Variants in LTN1 observed in about 807,000 individuals in gnomAD.
LTN1 encodes listerin E3 ubiquitin protein ligase 1, also known as E3 ubiquitin-protein ligase listerin.
A neutral mutation model predicts 201.2 loss-of-function variants in LTN1; 88 were observed. That is an observed-to-expected ratio of 0.44 (90% CI 0.37 to 0.52). The LOEUF (loss-of-function observed/expected upper bound fraction) is 0.52. Among genes scored for constraint, LTN1 ranks in the 20% least tolerant of loss-of-function variants. LTN1 has a pLI of 0.00. For synonymous variants in LTN1, 645 were observed against 713.5 expected (o/e 0.90, Z 1.53); for missense variants, 1,752 against 2,038.7 (o/e 0.86, Z 2.71).
chr21:28,930,147 T>C lies in LTN1; in HGVS notation c.*301A>G, dbSNP rs971391295. On this transcript the variant is annotated 3_prime_UTR_variant, in exon 30 of 30. Transcript: ENST00000361371. ...AATCTTTTCACAAATTCCAATTCTG[T>C]AATTTAGGGGTTTTTCATATTTATT... 2.6e-5 allele frequency: 6 copies of C among 230,146 alleles called. No individual in the cohort carries two copies. The highest frequency in any genetic ancestry group is 1.1e-4 in the African/African-American group (5 of 44,040). 14.3% of individuals were successfully genotyped at this position (230,146 alleles called of 1,614,324 possible).
chr21:28,935,536 AT>A (rs1213458483), intron 26 of LTN1, among the ~76,000 whole-genome samples: 1 of 151,782 alleles, frequency 6.6e-6, no homozygotes, highest in Admixed American at 6.6e-5. Context: ...TGGCAAAAGA[AT>A]TTTTTTTTAA....
rs778339686 is a variant in LTN1 at position 28,957,480 on chromosome 21, A to C, written c.2748-4T>G. On this transcript the variant is annotated splice_region_variant and splice_polypyrimidine_tract_variant and intron_variant, in intron 14 of 29. Transcript: ENST00000361371. Reference sequence around the variant, plus strand: ...AGCAGACAAGAGGACTTGGAGACTAAAAATAATGCAGAGAACTTAACTGTT... The same window carrying C: ...AGCAGACAAGAGGACTTGGAGACTACAAATAATGCAGAGAACTTAACTGTT... 1.9e-6 allele frequency: 3 copies of C among 1,546,620 alleles called. No homozygotes were observed. The highest frequency in any genetic ancestry group is 2.6e-6 in the Non-Finnish European group (3 of 1,149,942).
chr21:28,984,928 A>G lies in LTN1; in HGVS notation c.346-6T>C. The G allele has an allele frequency of 5.0e-6, 8 of 1,598,470 alleles. No individual in the cohort carries two copies. The highest frequency in any genetic ancestry group is 1.3e-5 in the African/African-American group (1 of 74,172). ...CGGACGCGACGGTCATGATCCTATTAAAAATATAAATGTGATTTAAAATAG... is the reference window on the plus strand; with the variant it reads ...CGGACGCGACGGTCATGATCCTATTGAAAATATAAATGTGATTTAAAATAG... On this transcript the variant is annotated splice_region_variant and splice_polypyrimidine_tract_variant and intron_variant, in intron 3 of 29. Transcript: ENST00000361371.
chr21:28,941,096 A>T, intron 25 of LTN1, 124 bp downstream of exon 25: 1 of 689,598 alleles, frequency 1.5e-6, no homozygotes, highest in East Asian at 2.9e-5. Flanking sequence ...AAATAAAATA[A>T]ATTTTAAAAG....
chr21:28,986,121 C>T lies in LTN1; in HGVS notation c.345+18G>A. ...AAAATATACAACAGAAATAAACTAG[C>T]AAAGTTTTAATACTTACAAGTGAAA... is the stretch of plus-strand genomic sequence containing the variant. On this transcript the variant is annotated intron_variant, in intron 3 of 29. Coordinates refer to ENST00000361371, the MANE Select transcript of LTN1 (RefSeq NM_015565.3). The surrounding 1 kb of genome is among the most constrained non-coding windows in gnomAD (Gnocchi z 4.1). 2 of 1,394,146 alleles carry T rather than the reference C, an allele frequency of 1.4e-6. No individual in the cohort carries two copies. The highest frequency in any genetic ancestry group is 2.0e-6 in the Non-Finnish European group (2 of 981,850). The allele number at this position is 1,394,146 out of a possible 1,614,324, so 86.4% of individuals were successfully genotyped here.
At chr21:28,968,941 C>A (rs1359122909) in intron 9 of LTN1, among the ~76,000 whole-genome samples, 1 of 150,504 alleles carries the variant, frequency 6.6e-6, no homozygotes, top group South Asian at 2.2e-4. Flanking sequence ...GTTTTACAGG[C>A]CGGGCGCGGT....
At chr21:28,975,534 T>G (rs1261718129) in intron 6 of LTN1, among the ~76,000 whole-genome samples, 1 of 152,212 alleles carries the variant, frequency 6.6e-6, no homozygotes, top group Non-Finnish European at 1.5e-5. Flanking sequence ...CTGTTGCAAC[T>G]ACTTAGCTCT....
intron 4 of LTN1, among the ~76,000 whole-genome samples, chr21:28,984,006 G>A (rs1013220911): frequency 6.6e-6 from 1 of 152,128 alleles, no homozygotes; most frequent in African/African-American, 2.4e-5. Flanking sequence ...AGAAAGTTAT[G>A]GCAAAAGTGT....
intron 18 of LTN1, among the ~76,000 whole-genome samples, chr21:28,948,890 G>A (rs2084362055): frequency 2.0e-5 from 3 of 152,064 alleles, no homozygotes; most frequent in African/African-American, 7.2e-5. Flanking sequence ...CACCTCTTTA[G>A]GCTAAATTCC....
chr21:28,975,590 A>G (rs1468937872), intron 6 of LTN1, among the ~76,000 whole-genome samples: 2 of 152,244 alleles, frequency 1.3e-5, no homozygotes, highest in Non-Finnish European at 2.9e-5. Context: ...AAAACTATTT[A>G]CAAAAATAGA....
intron 6 of LTN1, among the ~76,000 whole-genome samples, chr21:28,980,319 A>G (rs1248535984): frequency 6.8e-6 from 1 of 148,010 alleles, no homozygotes; most frequent in African/African-American, 2.5e-5. Flanking sequence ...CCGTGAGTTC[A>G]ATGCTAATGA....
chr21:28,950,731 C>T (rs1568839785), intron 18 of LTN1, among the ~76,000 whole-genome samples: 1 of 152,248 alleles, frequency 6.6e-6, no homozygotes, highest in East Asian at 1.9e-4. Flanking sequence ...CCAGGCTGGT[C>T]TCGAACTCCT....
intron 14 of LTN1, among the ~76,000 whole-genome samples, chr21:28,957,988 A>T (rs1210653659): frequency 6.6e-6 from 1 of 152,236 alleles, no homozygotes; most frequent in Non-Finnish European, 1.5e-5. Flanking sequence ...TAGTATCACC[A>T]TCACTTTACT....
At chr21:28,956,615 G>A (rs145148566) in intron 16 of LTN1, 147 bp downstream of exon 16, 98 of 484,924 alleles carry the variant, frequency 2.0e-4, no homozygotes, top group African/African-American at 1.7e-3. Flanking sequence ...CACCACTTAA[G>A]TAACTTCAAG....
In LTN1 at chr21:28,947,444, T is replaced by C; in HGVS notation, c.3487+20A>G. 3 of 1,498,930 alleles carry C rather than the reference T, an allele frequency of 2.0e-6. No homozygotes were observed. Among genetic ancestry groups the C allele is most frequent in the East Asian group, 2.6e-5 (1 of 39,206 alleles). The allele number at this position is 1,498,930 out of a possible 1,614,324, so 92.9% of individuals were successfully genotyped here. The stretch of plus-strand genomic sequence containing the variant: ...AAGCAATAATTAAATTAATGAAATA[T>C]TTATTATCAAGCAACTAACCATTAG... On this transcript the variant is annotated intron_variant, in intron 19 of 29. Coordinates refer to ENST00000361371, the MANE Select transcript of LTN1 (RefSeq NM_015565.3).
chr21:28,966,937 T>C lies in LTN1; in HGVS notation c.1554A>G (p.Leu518=), dbSNP rs931390194. 6 of 1,613,570 alleles carry C rather than the reference T, an allele frequency of 3.7e-6. No homozygotes were observed. Among genetic ancestry groups the C allele is most frequent in the Non-Finnish European group, 1.7e-6 (2 of 1,179,932 alleles). The change falls in exon 10 of 30, where the codon CTA becomes CTG. Residue 518 remains leucine, a synonymous_variant. Coordinates refer to ENST00000361371, the MANE Select transcript of LTN1 (RefSeq NM_015565.3). ...DVESVLGVSN[L]LQVLQKPKSS... is the part of the protein sequence containing the mutation. ...TCTTCGGCTTCTGAAGCACCTGTAA[T>C]AGGTTAGATACACCCAAAACGGACT...
At chr21:28,967,270 A>G in intron 9 of LTN1, 91 bp from the exon 10 acceptor site, 1 of 888,532 alleles carries the variant, frequency 1.1e-6, no homozygotes, top group Non-Finnish European at 1.7e-6. Flanking sequence ...GGAATCTCCA[A>G]AGTGATATCA....
chr21:28,987,010 T>C (rs1488663225), intron 1 of LTN1, 76 bp from the exon 2 acceptor site: 8 of 934,392 alleles, frequency 8.6e-6, no homozygotes, highest in Non-Finnish European at 1.2e-5. Context: ...TCCTTGGCTA[T>C]TCCCATGGTC....
chr21:28,975,875 A>G (rs1417040212), intron 6 of LTN1, among the ~76,000 whole-genome samples: 3 of 152,220 alleles, frequency 2.0e-5, no homozygotes, highest in Admixed American at 2.0e-4. Flanking sequence ...ATAAAAACAT[A>G]TGTTCACACG....
Sources: allele counts gnomAD v4.1 joint callset (sites outside exome capture counted in the v4.1 genomes callset), GRCh38; gene constraint gnomAD v4.1.1; non-coding constraint Gnocchi (gnomAD v3.1); transcripts MANE v1.5; gene names NCBI Gene and HGNC (gene_info 2026-07-23, HGNC 2026-07-21).